The following CSMD1 variants were observed in gnomAD, a reference collection of about 807,000 sequenced individuals.
CSMD1 encodes the protein CUB and sushi domain-containing protein 1.
In CSMD1, 213 loss-of-function variants were observed where a neutral mutation model predicts 417.5. That is an observed-to-expected ratio of 0.51 (90% CI 0.46 to 0.57). The LOEUF (loss-of-function observed/expected upper bound fraction) is 0.57, where lower values mean the gene tolerates loss of function less well. Among genes scored for constraint, CSMD1 ranks in the 20% least tolerant of loss-of-function variants. The probability of loss-of-function intolerance (pLI) is 0.00; values close to 1 mark genes in which losing one functional copy is unlikely to be tolerated. For synonymous variants in CSMD1, 2,862 were observed against 1,736.8 expected (o/e 1.65, Z -16.11); for missense variants, 6,923 against 4,529.7 (o/e 1.53, Z -15.17).
chr8:3,944,933 T>C (rs914943979), intron 5 of CSMD1, among the ~76,000 whole-genome samples: 3 of 152,178 alleles, frequency 2.0e-5, no homozygotes, highest in African/African-American at 4.8e-5. Context: ...TCTCTCACTT[T>C]GTTATTCTTC....
Position 3,655,362 on chromosome 8 carries a change from G to C in CSMD1, c.1010-38565C>G, listed in dbSNP as rs558629192. Among the ~76,000 whole-genome samples the C allele has an allele frequency of 6.2e-4, 94 of 152,226 alleles. 1 individual carries two copies. The highest frequency in any genetic ancestry group is 2.2e-3 in the African/African-American group (91 of 41,532). Reference sequence around the variant, plus strand: ...CTGTCATCTTCCCTACAGCGAATTTGGCAGTGATTTTCATTTTTCACTATT... The same window carrying C: ...CTGTCATCTTCCCTACAGCGAATTTCGCAGTGATTTTCATTTTTCACTATT... On this transcript the variant is annotated intron_variant, in intron 7 of 69. Coordinates refer to ENST00000635120, the MANE Select transcript of CSMD1 (RefSeq NM_033225.6).
intron 2 of CSMD1, among the ~76,000 whole-genome samples, chr8:4,620,118 G>A (rs1252751642): frequency 1.3e-5 from 2 of 151,712 alleles, no homozygotes; most frequent in East Asian, 3.9e-4. Flanking sequence ...ATCAGTTATA[G>A]GAGTATACAT....
At chr8:2,939,960 C>T (rs959994544) in intron 69 of CSMD1, among the ~76,000 whole-genome samples, 1 of 152,166 alleles carries the variant, frequency 6.6e-6, no homozygotes, top group African/African-American at 2.4e-5. Flanking sequence ...GAACTGGCTG[C>T]AGCTGGATGC....
chr8:3,422,007 C>G lies in CSMD1; in HGVS notation c.1562-12402G>C, dbSNP rs958002664. On this transcript the variant is annotated intron_variant, in intron 12 of 69. Coordinates refer to ENST00000635120, the MANE Select transcript of CSMD1 (RefSeq NM_033225.6). ...ATGGCTTAGAGCGTGAGCCACCGCG[C>G]CCGGCCCCACAGATGTCTTAGAGCG... Among the ~76,000 whole-genome samples the G allele has an allele frequency of 2.0e-5, 3 of 150,250 alleles. No individual in the cohort carries two copies. The East Asian group carries it at 5.8e-4, about 29-fold the overall frequency.
intron 2 of CSMD1, among the ~76,000 whole-genome samples, chr8:4,612,338 C>T (rs527595920): frequency 6.7e-6 from 1 of 148,764 alleles, no homozygotes; most frequent in Non-Finnish European, 1.5e-5. Context: ...TACTTAGGAG[C>T]ACTTTCAGAA....
chr8:3,761,750 T>C (rs944633511), intron 5 of CSMD1, among the ~76,000 whole-genome samples: 13 of 152,054 alleles, frequency 8.5e-5, no homozygotes, highest in African/African-American at 1.9e-4. Context: ...AGGTGATCCA[T>C]CTGCTTAGGC....
At chr8:3,852,452 G>A (rs976415635) in intron 5 of CSMD1, among the ~76,000 whole-genome samples, 3 of 152,154 alleles carry the variant, frequency 2.0e-5, no homozygotes, top group African/African-American at 7.2e-5. Flanking sequence ...AAGAGGGTAG[G>A]GCTGCAGGGC....
At chr8:3,891,471 G>C (rs1806968947) in intron 5 of CSMD1, among the ~76,000 whole-genome samples, 1 of 152,112 alleles carries the variant, frequency 6.6e-6, no homozygotes, top group Admixed American at 6.5e-5. Context: ...CCTGTATACA[G>C]GAGTTTGAGA....
At chr8:4,347,231 T>C (rs1018067035) in intron 3 of CSMD1, among the ~76,000 whole-genome samples, 11 of 152,256 alleles carry the variant, frequency 7.2e-5, no homozygotes, top group Non-Finnish European at 1.5e-4. Context: ...AATTACATCA[T>C]GCTTAAAATG....
chr8:3,292,297 T>C (rs1033992891), intron 25 of CSMD1, among the ~76,000 whole-genome samples: 3 of 152,144 alleles, frequency 2.0e-5, no homozygotes, highest in South Asian at 2.1e-4. Flanking sequence ...AAAGAATGTA[T>C]ATTTTGTTGA....
At chr8:4,208,947 T>C (rs553454903) in intron 3 of CSMD1, among the ~76,000 whole-genome samples, 11 of 152,208 alleles carry the variant, frequency 7.2e-5, no homozygotes, top group Admixed American at 3.3e-4. Flanking sequence ...CTTGACCCTT[T>C]GCAGTACGCA....
chr8:3,100,933 A>T (rs1815689894), intron 46 of CSMD1, among the ~76,000 whole-genome samples: 1 of 152,120 alleles, frequency 6.6e-6, no homozygotes, highest in South Asian at 2.1e-4. Context: ...ATTATCCAGC[A>T]CATATAGAAG....
intron 5 of CSMD1, among the ~76,000 whole-genome samples, chr8:3,765,636 C>T (rs891056429): frequency 6.6e-6 from 1 of 152,178 alleles, no homozygotes; most frequent in East Asian, 1.9e-4. Context: ...GAAGTGAACC[C>T]TAAGATGATA....
intron 5 of CSMD1, among the ~76,000 whole-genome samples, chr8:3,778,899 G>C (rs1799031706): frequency 6.6e-6 from 1 of 152,168 alleles, no homozygotes; most frequent in East Asian, 1.9e-4. Context: ...AAGTAGGACA[G>C]GAGTTCCCGG....
At chr8:3,722,030 A>G (rs1301254768) in intron 6 of CSMD1, among the ~76,000 whole-genome samples, 1 of 152,132 alleles carries the variant, frequency 6.6e-6, no homozygotes. Flanking sequence ...CAGGTTGTAC[A>G]AGTAGAGATG....
intron 2 of CSMD1, among the ~76,000 whole-genome samples, chr8:4,453,571 T>C (rs550466070): frequency 2.0e-5 from 3 of 152,256 alleles, no homozygotes; most frequent in South Asian, 4.1e-4. Flanking sequence ...ATGACTGGCT[T>C]ATATCGCTTG....
At chr8:3,465,082 A>T (rs1816722510) in intron 12 of CSMD1, among the ~76,000 whole-genome samples, 1 of 152,066 alleles carries the variant, frequency 6.6e-6, no homozygotes, top group African/African-American at 2.4e-5. Flanking sequence ...TACACATGCC[A>T]ACTGAAGTCT....
At chr8:4,458,719 T>G (rs1799632591) in intron 2 of CSMD1, among the ~76,000 whole-genome samples, 1 of 152,172 alleles carries the variant, frequency 6.6e-6, no homozygotes, top group African/African-American at 2.4e-5. Context: ...TCTTTATTAG[T>G]GGGAAAAATA....
At chr8:4,423,418 G>A (rs965915709) in intron 2 of CSMD1, among the ~76,000 whole-genome samples, 1 of 151,806 alleles carries the variant, frequency 6.6e-6, no homozygotes, top group South Asian at 2.1e-4. Flanking sequence ...TACTAGCAAT[G>A]AACACGTTGA....
Sources: allele counts gnomAD v4.1 joint callset (sites outside exome capture counted in the v4.1 genomes callset), GRCh38; gene constraint gnomAD v4.1.1; transcripts MANE v1.5; gene names NCBI Gene and HGNC (gene_info 2026-07-23, HGNC 2026-07-21).